The following LHFPL3 variants were observed in gnomAD, a reference collection of about 807,000 sequenced individuals.
LHFPL3 encodes LHFPL tetraspan subfamily member 3, also known as LHFPL tetraspan subfamily member 3 protein.
A neutral mutation model predicts 19.3 loss-of-function variants in LHFPL3; 5 were observed. The ratio of observed to expected loss-of-function variants is 0.26; its 90% CI spans 0.14 to 0.54. The LOEUF (loss-of-function observed/expected upper bound fraction) is 0.54, where lower values mean the gene tolerates loss of function less well. Ranked by LOEUF, LHFPL3 falls within the 20% of genes least tolerant of loss-of-function variation. LHFPL3 has a pLI of 0.94. For missense variants in LHFPL3, 249 were observed against 307.4 expected (o/e 0.81, Z 1.42); for synonymous variants, 133 against 126.2 (o/e 1.05, Z -0.36).
At chr7:104,564,853 G>T (rs975009661) in intron 1 of LHFPL3, among the ~76,000 whole-genome samples, 5 of 152,188 alleles carry the variant, frequency 3.3e-5, no homozygotes, top group African/African-American at 1.2e-4. Context: ...TTCACATGGG[G>T]TTGAGAGACT....
intron 1 of LHFPL3, among the ~76,000 whole-genome samples, chr7:104,374,640 G>A (rs1011786291): frequency 2.6e-5 from 4 of 152,158 alleles, no homozygotes; most frequent in African/African-American, 9.7e-5. Flanking sequence ...TAAGTACTAT[G>A]TGGGGGTTGC....
At chr7:104,810,874 C>A (rs554262832) in intron 2 of LHFPL3, among the ~76,000 whole-genome samples, 1 of 152,306 alleles carries the variant, frequency 6.6e-6, no homozygotes, top group East Asian at 1.9e-4. Context: ...TCAAGGAAAT[C>A]ATTTCTTTTT....
chr7:104,378,375 T>G (rs1248945147), intron 1 of LHFPL3, among the ~76,000 whole-genome samples: 1 of 152,234 alleles, frequency 6.6e-6, no homozygotes, highest in East Asian at 1.9e-4. Context: ...AGCTGTTGTT[T>G]TTATTAGTTC....
intron 2 of LHFPL3, among the ~76,000 whole-genome samples, chr7:104,834,414 A>C (rs1300436999): frequency 6.6e-6 from 1 of 151,386 alleles, no homozygotes; most frequent in Non-Finnish European, 1.5e-5. Flanking sequence ...TCCTCACCTC[A>C]CTCCCTTCTG....
At chr7:104,402,249 A>G (rs1483079623) in intron 1 of LHFPL3, among the ~76,000 whole-genome samples, 3 of 152,172 alleles carry the variant, frequency 2.0e-5, no homozygotes, top group Non-Finnish European at 4.4e-5. Flanking sequence ...GTTTTCCCTT[A>G]TTAATCTTCT....
intron 2 of LHFPL3, among the ~76,000 whole-genome samples, chr7:104,832,366 G>C (rs1584562742): frequency 1.3e-5 from 2 of 152,048 alleles, no homozygotes; most frequent in South Asian, 4.1e-4. Flanking sequence ...TACACATTCA[G>C]TGGCTCTTAT....
chr7:104,866,457 C>T (rs1210392626), intron 2 of LHFPL3, among the ~76,000 whole-genome samples: 2 of 152,070 alleles, frequency 1.3e-5, no homozygotes, highest in Admixed American at 6.6e-5. Context: ...TTTAAACCAA[C>T]AAAGATCAGA....
intron 2 of LHFPL3, among the ~76,000 whole-genome samples, chr7:104,844,872 A>G (rs1452540460): frequency 6.6e-6 from 1 of 152,100 alleles, no homozygotes; most frequent in Non-Finnish European, 1.5e-5. Flanking sequence ...CCCATGTAGC[A>G]GGGATTACAG....
intron 1 of LHFPL3, among the ~76,000 whole-genome samples, chr7:104,428,269 C>A (rs1401212409): frequency 6.6e-6 from 1 of 152,100 alleles, no homozygotes; most frequent in African/African-American, 2.4e-5. Flanking sequence ...AGAGACAATT[C>A]ATGTATGAAA....
At chr7:104,621,362 A>T (rs1791443056) in intron 1 of LHFPL3, among the ~76,000 whole-genome samples, 2 of 152,238 alleles carry the variant, frequency 1.3e-5, no homozygotes, top group South Asian at 4.1e-4. Context: ...TGTTTTCAGC[A>T]TGCCCTTTCC....
At chr7:104,814,756 C>T (rs916090198) in intron 2 of LHFPL3, among the ~76,000 whole-genome samples, 1 of 152,252 alleles carries the variant, frequency 6.6e-6, no homozygotes, top group Non-Finnish European at 1.5e-5. Flanking sequence ...GGGGCAGATG[C>T]AGCAGGGTGC....
intron 2 of LHFPL3, among the ~76,000 whole-genome samples, chr7:104,795,533 G>A (rs1262465220): frequency 6.6e-6 from 1 of 152,172 alleles, no homozygotes; most frequent in Non-Finnish European, 1.5e-5. Flanking sequence ...AGAAGGAAGA[G>A]GGGCTGAAAG....
At chr7:104,619,563 C>T (rs933322913) in intron 1 of LHFPL3, among the ~76,000 whole-genome samples, 2 of 152,074 alleles carry the variant, frequency 1.3e-5, no homozygotes, top group African/African-American at 2.4e-5. Flanking sequence ...GTTAGTAGAA[C>T]CCTACCTATT....
At chr7:104,474,394 G>T (rs149284756) in intron 1 of LHFPL3, among the ~76,000 whole-genome samples, 1 of 151,972 alleles carries the variant, frequency 6.6e-6, no homozygotes, top group Non-Finnish European at 1.5e-5. Flanking sequence ...GCCGGGTGCG[G>T]TGTCTCACGC....
chr7:104,870,036 A>C (rs1327619969), intron 2 of LHFPL3, among the ~76,000 whole-genome samples: 1 of 152,040 alleles, frequency 6.6e-6, no homozygotes, highest in Non-Finnish European at 1.5e-5. Flanking sequence ...GTGGGAATTG[A>C]ACAATGAGAA....
intron 1 of LHFPL3, among the ~76,000 whole-genome samples, chr7:104,732,157 T>C (rs546199994): frequency 2.6e-5 from 4 of 152,360 alleles, no homozygotes; most frequent in African/African-American, 9.6e-5. Flanking sequence ...TGCATCAATG[T>C]TCATCAGGGA....
intron 1 of LHFPL3, among the ~76,000 whole-genome samples, chr7:104,495,424 C>T (rs1793449508): frequency 6.6e-6 from 1 of 152,170 alleles, no homozygotes; most frequent in Non-Finnish European, 1.5e-5. Flanking sequence ...TGCTCTGTCG[C>T]CCAGGCTGGA....
At chr7:104,595,789 A>G (rs1199461542) in intron 1 of LHFPL3, among the ~76,000 whole-genome samples, 1 of 151,850 alleles carries the variant, frequency 6.6e-6, no homozygotes, top group African/African-American at 2.4e-5. Flanking sequence ...TCCCCCAGCC[A>G]GGCTGCCATC....
intron 1 of LHFPL3, among the ~76,000 whole-genome samples, chr7:104,725,961 A>G (rs2116262135): frequency 6.8e-6 from 1 of 146,852 alleles, no homozygotes; most frequent in South Asian, 2.2e-4. Flanking sequence ...CTGAGGCAGG[A>G]GAACTGCTTT....
Sources: gnomAD v4.1 joint callset for allele counts (sites outside exome capture counted in the v4.1 genomes callset) on GRCh38, gnomAD v4.1.1 for gene constraint, MANE v1.5 for transcripts, NCBI Gene and HGNC (gene_info 2026-07-23, HGNC 2026-07-21) for gene names.